Variants in MDGA2 observed in about 807,000 individuals in gnomAD.
MDGA2 encodes MAM domain-containing glycosylphosphatidylinositol anchor protein 2.
MDGA2 carries 40 observed loss-of-function variants against 117.8 expected under a neutral mutation model. That is an observed-to-expected ratio of 0.34 (90% confidence interval 0.26 to 0.44). MDGA2 has a LOEUF of 0.44. Among genes scored for constraint, MDGA2 ranks in the 20% least tolerant of loss-of-function variants. The pLI is 1.00. For missense variants in MDGA2, 1,123 were observed against 1,250.6 expected (o/e 0.90, Z 1.54); for synonymous variants, 452 against 439.0 (o/e 1.03, Z -0.37).
chr14:47,104,058 C>A (rs1880495661), intron 5 of MDGA2, among the ~76,000 whole-genome samples: 1 of 152,204 alleles, frequency 6.6e-6, no homozygotes, highest in South Asian at 2.1e-4. Flanking sequence ...CCTGCCTGTT[C>A]TCTGAAGTCA....
intron 3 of MDGA2, among the ~76,000 whole-genome samples, chr14:47,189,287 G>C (rs571290335): frequency 6.6e-6 from 1 of 151,794 alleles, no homozygotes; most frequent in African/African-American, 2.4e-5. Flanking sequence ...CAATTTTATC[G>C]GTGCTGCTAC....
intron 1 of MDGA2, among the ~76,000 whole-genome samples, chr14:47,457,926 T>A (rs1566466822): frequency 6.6e-6 from 1 of 151,954 alleles, no homozygotes; most frequent in Non-Finnish European, 1.5e-5. Context: ...TTCATTCTTC[T>A]TCCAAGTGGT....
chr14:47,168,560 A>T (rs1021551300), intron 3 of MDGA2, among the ~76,000 whole-genome samples: 2 of 152,002 alleles, frequency 1.3e-5, no homozygotes, highest in Admixed American at 6.6e-5. Context: ...ATGAAAAGTT[A>T]TTACTAAAGA....
At chr14:47,655,735 T>A (rs1897730683) in intron 1 of MDGA2, among the ~76,000 whole-genome samples, 1 of 152,136 alleles carries the variant, frequency 6.6e-6, no homozygotes, top group Admixed American at 6.5e-5. Context: ...ACTTTAGATC[T>A]AAGAGAGAAC....
intron 2 of MDGA2, among the ~76,000 whole-genome samples, chr14:47,234,445 A>C (rs1474397371): frequency 6.6e-6 from 1 of 152,108 alleles, no homozygotes; most frequent in East Asian, 1.9e-4. Flanking sequence ...CCTTAAGTAA[A>C]GGAAATGATA....
chr14:47,433,986 T>C (rs1434581892), intron 1 of MDGA2, among the ~76,000 whole-genome samples: 1 of 152,130 alleles, frequency 6.6e-6, no homozygotes, highest in Non-Finnish European at 1.5e-5. Flanking sequence ...ATTATCATTC[T>C]CAAATTAATT....
At chr14:47,411,994 A>T (rs935681243) in intron 1 of MDGA2, among the ~76,000 whole-genome samples, 10 of 152,302 alleles carry the variant, frequency 6.6e-5, no homozygotes, top group African/African-American at 1.9e-4. Flanking sequence ...ACAAAATCAC[A>T]GTTAAGAAGC....
At chr14:47,583,235 G>T (rs933360541) in intron 1 of MDGA2, among the ~76,000 whole-genome samples, 1 of 151,786 alleles carries the variant, frequency 6.6e-6, no homozygotes, top group African/African-American at 2.4e-5. Context: ...ATAGAATGAC[G>T]TGAGGGAGAA....
intron 1 of MDGA2, among the ~76,000 whole-genome samples, chr14:47,316,042 T>A (rs996626278): frequency 6.6e-6 from 1 of 152,078 alleles, no homozygotes; most frequent in Non-Finnish European, 1.5e-5. Context: ...GTGTGTGAAG[T>A]TGGATTTGCT....
intron 1 of MDGA2, among the ~76,000 whole-genome samples, chr14:47,637,673 T>C (rs553713713): frequency 2.0e-5 from 3 of 152,278 alleles, no homozygotes; most frequent in African/African-American, 7.2e-5. Context: ...ATGTAACATA[T>C]TATAAGAAAT....
intron 1 of MDGA2, among the ~76,000 whole-genome samples, chr14:47,429,984 T>C (rs1892766688): frequency 6.8e-6 from 1 of 147,446 alleles, no homozygotes; most frequent in Non-Finnish European, 1.5e-5. Flanking sequence ...TGGAAAAGCA[T>C]GTGCAAAGTC....
rs1364785931 is a variant in MDGA2, at chr14:47,298,689, T to TC, written c.420+2721_420+2722insG. On this transcript the variant is annotated intron_variant, in intron 2 of 16. Coordinates refer to ENST00000399232, the MANE Select transcript of MDGA2 (RefSeq NM_001113498.3). Reference sequence around the variant, plus strand: ...AGAGGCCCACTTAATTTTTCTTTTTTTTTTTTTTTTTTTGAGACAGAGTCT... The same window carrying TC: ...AGAGGCCCACTTAATTTTTCTTTTTTCTTTTTTTTTTTTTGAGACAGAGTCT... Among the ~76,000 whole-genome samples the TC allele has an allele frequency of 2.3e-4, 34 of 148,178 alleles. No homozygotes were observed. In the South Asian group the frequency reaches 6.6e-3, roughly 29 times the overall value.
intron 11 of MDGA2, among the ~76,000 whole-genome samples, chr14:46,881,716 G>C (rs1882467441): frequency 6.6e-6 from 1 of 151,920 alleles, no homozygotes; most frequent in African/African-American, 2.4e-5. Context: ...TTCTTAAAAA[G>C]TTTTAAAGTC....
At chr14:47,183,743 T>C (rs10873003) in intron 3 of MDGA2, among the ~76,000 whole-genome samples, 63,070 of 151,854 alleles carry the variant, frequency 0.42, 13,663 homozygotes, top group African/African-American at 0.54. Context: ...TTGTTATTAT[T>C]GTTAGAGACT....
chr14:47,190,161 A>G (rs1885057093), intron 3 of MDGA2, among the ~76,000 whole-genome samples: 1 of 152,172 alleles, frequency 6.6e-6, no homozygotes, highest in South Asian at 2.1e-4. Flanking sequence ...AACATGCCAG[A>G]TCTTCCTTTT....
Position 47,134,777 on chromosome 14 carries a change from C to CTATA in MDGA2, c.793-2935_793-2932dup, listed in dbSNP as rs146851138. Among the ~76,000 whole-genome samples, 522 of 145,960 alleles carry CTATA rather than the reference C, an allele frequency of 3.6e-3. 2 individuals carry two copies. Among genetic ancestry groups the CTATA allele is most frequent in the African/African-American group, 0.013 (502 of 40,078 alleles). On this transcript the variant is annotated intron_variant, in intron 4 of 16. Coordinates refer to ENST00000399232, the MANE Select transcript of MDGA2 (RefSeq NM_001113498.3). ...GTGTGTATATATACACACACACACA[C>CTATA]TATATATATATATATATATCACACA... is the stretch of plus-strand genomic sequence containing the variant.
At chr14:47,107,631 A>G (rs149733320) in intron 5 of MDGA2, among the ~76,000 whole-genome samples, 21,369 of 149,910 alleles carry the variant, frequency 0.14, 1,107 homozygotes, top group Admixed American at 0.19. Context: ...TAATTCTCAT[A>G]AAAACACACG....
At chr14:46,904,302 G>T (rs1883404944) in intron 10 of MDGA2, among the ~76,000 whole-genome samples, 1 of 150,848 alleles carries the variant, frequency 6.6e-6, no homozygotes, top group South Asian at 2.1e-4. Context: ...AACCCGAAAG[G>T]CAGAGGTTGC....
intron 6 of MDGA2, among the ~76,000 whole-genome samples, chr14:47,082,777 A>C (rs1890755135): frequency 6.6e-6 from 1 of 152,058 alleles, no homozygotes; most frequent in Admixed American, 6.6e-5. Context: ...CTCAGATAAA[A>C]ACAGTAAAAT....
Sources: allele counts gnomAD v4.1 joint callset (sites outside exome capture counted in the v4.1 genomes callset), GRCh38; gene constraint gnomAD v4.1.1; transcripts MANE v1.5; gene names NCBI Gene and HGNC (gene_info 2026-07-23, HGNC 2026-07-21).